PTPRD: variants seen among roughly 807,000 people sequenced by gnomAD.
PTPRD encodes the protein protein tyrosine phosphatase receptor type D, also known as receptor-type tyrosine-protein phosphatase delta.
PTPRD carries 34 observed loss-of-function variants against 214.5 expected under a neutral mutation model. That is an observed-to-expected ratio of 0.16 (90% CI 0.12 to 0.21). The LOEUF (loss-of-function observed/expected upper bound fraction) is 0.21, where lower values mean the gene tolerates loss of function less well. Ranked by LOEUF, PTPRD falls within the 10% of genes least tolerant of loss-of-function variation. The pLI, the probability that PTPRD is intolerant of heterozygous loss-of-function variation, is 1.00. For synonymous variants in PTPRD, 1,128 were observed against 845.7 expected, an observed-to-expected ratio of 1.33 and a Z score of -5.79; for missense variants, 2,545 against 2,398.7, an observed-to-expected ratio of 1.06 and a Z score of -1.27.
chr9:8,647,522 C>G (rs1159671585), intron 12 of PTPRD, among the ~76,000 whole-genome samples: 1 of 152,092 alleles, frequency 6.6e-6, no homozygotes, highest in Non-Finnish European at 1.5e-5. Flanking sequence ...GTAAAGATTA[C>G]ATTTAAATTT....
Position 10,138,972 on chromosome 9 carries a change from C to A in PTPRD, c.-544-105182G>T, listed in dbSNP as rs1452077111. Among the ~76,000 whole-genome samples, 3 of 151,928 alleles carry A rather than the reference C, an allele frequency of 2.0e-5. No individual in the cohort carries two copies. In the East Asian group the frequency reaches 5.8e-4, roughly 29 times the overall value. ...AATGGGCAAAACTGCAACCACCCCCCTTGAGAACAAGGCAAAGATGCCCAC... is the reference window on the plus strand; with the variant it reads ...AATGGGCAAAACTGCAACCACCCCCATTGAGAACAAGGCAAAGATGCCCAC... On this transcript the variant is annotated intron_variant, in intron 3 of 45. Transcript: ENST00000381196.
At chr9:10,280,278 A>T (rs1485886218) in intron 3 of PTPRD, among the ~76,000 whole-genome samples, 2 of 152,088 alleles carry the variant, frequency 1.3e-5, no homozygotes, top group Admixed American at 1.3e-4. Context: ...CCTGAGGTTG[A>T]AATTTTTCTA....
chr9:10,470,889 T>A (rs1013802470), intron 2 of PTPRD, among the ~76,000 whole-genome samples: 1 of 152,026 alleles, frequency 6.6e-6, no homozygotes, highest in Non-Finnish European at 1.5e-5. Context: ...TAGCAAAGAC[T>A]GGAACCAACC....
intron 3 of PTPRD, among the ~76,000 whole-genome samples, chr9:10,176,673 C>CT (rs2099250403): frequency 6.6e-6 from 1 of 151,966 alleles, no homozygotes; most frequent in African/African-American, 2.4e-5. Context: ...AAGTGAACTA[C>CT]TTTAGGAGTA....
chr9:10,003,254 G>C (rs2096378865), intron 4 of PTPRD, among the ~76,000 whole-genome samples: 1 of 151,682 alleles, frequency 6.6e-6, no homozygotes, highest in Non-Finnish European at 1.5e-5. Context: ...GATCTATGGA[G>C]ATGATGAGGA....
At chr9:10,037,484 TC>T (rs1373788679) in intron 3 of PTPRD, among the ~76,000 whole-genome samples, 5 of 150,880 alleles carry the variant, frequency 3.3e-5, no homozygotes, top group African/African-American at 1.2e-4. Flanking sequence ...CCCTGAGGGC[TC>T]CCCAGCCATG....
intron 9 of PTPRD, among the ~76,000 whole-genome samples, chr9:9,381,685 TGTTG>T (rs758663377): frequency 2.1e-4 from 31 of 146,746 alleles, no homozygotes; most frequent in African/African-American, 6.8e-4. Context: ...TGTTTTTTTT[TGTTG>T]TTTTGTTTTT....
chr9:9,495,775 G>A (rs887272577), intron 8 of PTPRD, among the ~76,000 whole-genome samples: 1 of 152,156 alleles, frequency 6.6e-6, no homozygotes, highest in Non-Finnish European at 1.5e-5. Context: ...TTGAGTGCAG[G>A]TACCCAAAAC....
intron 10 of PTPRD, among the ~76,000 whole-genome samples, chr9:9,169,450 C>T (rs1290167659): frequency 7.2e-5 from 11 of 152,044 alleles, no homozygotes. Flanking sequence ...CACTTTTCTT[C>T]AGTTTGCAAT....
chr9:9,738,731 C>A (rs1316058296), intron 6 of PTPRD, among the ~76,000 whole-genome samples: 1 of 152,010 alleles, frequency 6.6e-6, no homozygotes, highest in African/African-American at 2.4e-5. Flanking sequence ...CGTGAACCAC[C>A]ACACCTGACC....
intron 14 of PTPRD, among the ~76,000 whole-genome samples, chr9:8,616,489 G>A (rs897107318): frequency 2.6e-5 from 4 of 152,048 alleles, no homozygotes; most frequent in African/African-American, 9.7e-5. Context: ...ACTGAACACA[G>A]GGATCCCTTA....
chr9:10,398,154 G>C (rs896188271), intron 2 of PTPRD, among the ~76,000 whole-genome samples: 2 of 151,494 alleles, frequency 1.3e-5, no homozygotes, highest in East Asian at 4.0e-4. Context: ...GGAGGCCAGA[G>C]GAGTGCTTGA....
intron 9 of PTPRD, among the ~76,000 whole-genome samples, chr9:9,388,765 T>C (rs1194973290): frequency 6.6e-6 from 1 of 152,206 alleles, no homozygotes; most frequent in Non-Finnish European, 1.5e-5. Flanking sequence ...AAGTAGCATA[T>C]GTATACTAAT....
intron 36 of PTPRD, among the ~76,000 whole-genome samples, chr9:8,400,585 C>T (rs2092216519): frequency 6.6e-6 from 1 of 152,180 alleles, no homozygotes; most frequent in Non-Finnish European, 1.5e-5. Flanking sequence ...TAAGACTGAG[C>T]TTTTCCACCC....
intron 8 of PTPRD, among the ~76,000 whole-genome samples, chr9:9,447,320 G>A (rs1440598094): frequency 6.6e-6 from 1 of 152,060 alleles, no homozygotes; most frequent in Non-Finnish European, 1.5e-5. Context: ...TGTACCCCAT[G>A]GAATATTAGA....
At chr9:8,467,573 T>C (rs2096568532) in intron 31 of PTPRD, among the ~76,000 whole-genome samples, 1 of 151,766 alleles carries the variant, frequency 6.6e-6, no homozygotes. Context: ...ATTACTGAAA[T>C]AAAATGAAAT....
chr9:9,676,848 GT>G (rs1466507987), intron 7 of PTPRD, among the ~76,000 whole-genome samples: 4 of 152,076 alleles, frequency 2.6e-5, no homozygotes, highest in Non-Finnish European at 5.9e-5. Context: ...TCTCATTGTG[GT>G]TTTGATTTGC....
intron 32 of PTPRD, among the ~76,000 whole-genome samples, chr9:8,461,334 A>G (rs896908636): frequency 6.6e-6 from 1 of 152,254 alleles, no homozygotes; most frequent in Admixed American, 6.5e-5. Flanking sequence ...TTTGTTCTCA[A>G]TAGACAACTG....
chr9:9,674,229 T>C (rs1188407892), intron 7 of PTPRD, among the ~76,000 whole-genome samples: 8 of 151,828 alleles, frequency 5.3e-5, no homozygotes. Context: ...ATTGTTCAGG[T>C]ATTTTAGGTA....
Sources: allele counts gnomAD v4.1 joint callset (sites outside exome capture counted in the v4.1 genomes callset), GRCh38; gene constraint gnomAD v4.1.1; transcripts MANE v1.5; gene names NCBI Gene and HGNC (gene_info 2026-07-23, HGNC 2026-07-21).